CFAP91: variants seen among roughly 807,000 people sequenced by gnomAD.
The protein encoded by CFAP91 is cilia and flagella associated protein 91, also known as cilia- and flagella-associated protein 91.
CFAP91 carries 85 observed loss-of-function variants against 95.9 expected under a neutral mutation model. The ratio of observed to expected loss-of-function variants is 0.89; its 90% CI spans 0.74 to 1.06. The LOEUF is 1.06. Ranked by LOEUF, CFAP91 falls within the 50% of genes least tolerant of loss-of-function variation. The pLI is 0.00. For missense variants in CFAP91, 962 were observed against 943.4 expected (o/e 1.02, Z -0.26); for synonymous variants, 335 against 327.5 (o/e 1.02, Z -0.25).
chr3:119,717,819 G>A (rs548992279), intron 6 of CFAP91, among the ~76,000 whole-genome samples: 2 of 152,272 alleles, frequency 1.3e-5, no homozygotes, highest in East Asian at 3.9e-4. Context: ...GCTTCAGGGT[G>A]AAGAAACAGC....
chr3:119,705,803 C>G (rs2053347687), intron 1 of CFAP91, among the ~76,000 whole-genome samples: 1 of 152,118 alleles, frequency 6.6e-6, no homozygotes, highest in South Asian at 2.1e-4. Context: ...GATAGAGTAG[C>G]CAGTCAATAA....
intron 6 of CFAP91, among the ~76,000 whole-genome samples, chr3:119,724,086 C>T (rs1168083065): frequency 1.3e-5 from 2 of 150,148 alleles, no homozygotes; most frequent in Admixed American, 1.3e-4. Context: ...GAGAATCACT[C>T]GAACCTGGGA....
At chr3:119,718,587 A>T (rs1388184394) in intron 6 of CFAP91, among the ~76,000 whole-genome samples, 3 of 152,260 alleles carry the variant, frequency 2.0e-5, no homozygotes, top group Admixed American at 2.0e-4. Context: ...ATGATTTTTT[A>T]AAAACTCACA....
intron 6 of CFAP91, among the ~76,000 whole-genome samples, chr3:119,724,782 T>C (rs1553707358): frequency 2.0e-5 from 3 of 152,146 alleles, no homozygotes; most frequent in Non-Finnish European, 4.4e-5. Flanking sequence ...TCTCACTCTG[T>C]CACCCAGGCT....
intron 6 of CFAP91, among the ~76,000 whole-genome samples, chr3:119,723,550 A>G (rs1450574440): frequency 6.6e-6 from 1 of 152,238 alleles, no homozygotes; most frequent in African/African-American, 2.4e-5. Flanking sequence ...CAGTACAGCT[A>G]GGCTTCCAAA....
chr3:119,747,308 T>C lies in CFAP91; in HGVS notation c.2051+45T>C. ...ATTGTAGAATGGACAGCCCATTTGC[T>C]GGTACTCATATATATTTTTTCAAGA... is the stretch of plus-strand genomic sequence containing the variant. On this transcript the variant is annotated intron_variant, in intron 15 of 17. Transcript: ENST00000273390. 3 of 1,576,092 alleles carry C rather than the reference T, an allele frequency of 1.9e-6. No homozygotes were observed. In the South Asian group the frequency reaches 3.6e-5, roughly 19 times the overall value.
chr3:119,715,959 G>A (rs753557353), intron 6 of CFAP91: 1 of 596,818 alleles, frequency 1.7e-6, no homozygotes, highest in Non-Finnish European at 3.0e-6. Context: ...CTCTATCTGT[G>A]AAGCTGAATT....
Position 119,717,550 on chromosome 3 carries a change from G to GGTTTTTTTTTTTTTTT in CFAP91, c.682+1807_682+1808insGTTTTTTTTTTTTTTT, listed in dbSNP as rs1553706268. Among the ~76,000 whole-genome samples, 13 of 130,192 alleles carry GGTTTTTTTTTTTTTTT rather than the reference G, an allele frequency of 1.0e-4. 3 individuals are homozygous for GGTTTTTTTTTTTTTTT. Among genetic ancestry groups the GGTTTTTTTTTTTTTTT allele is most frequent in the Non-Finnish European group, 1.3e-4 (8 of 61,440 alleles). The allele number at this position is 130,192 out of a possible 152,430, so 85.4% of individuals were successfully genotyped here. A position where few individuals can be genotyped will look rare whatever the true frequency, so the allele number is the denominator to read the frequency against. The stretch of plus-strand genomic sequence containing the variant: ...AATATCTGTTAAGTAAAATACGTTG[G>GGTTTTTTTTTTTTTTT]TTTTTTTTTTTTTTTTTTTCACAAA... On this transcript the variant is annotated intron_variant, in intron 6 of 17. Transcript: ENST00000273390.
rs148036142 is a variant in CFAP91 at position 119,747,836 on chromosome 3, A to G, written c.2077A>G (p.Ile693Val). The change falls in exon 16 of 18, where the codon ATT becomes GTT. Residue 693 changes from isoleucine to valine, a missense_variant. Coordinates refer to ENST00000273390, the MANE Select transcript of CFAP91 (RefSeq NM_033364.4). ...SRRTYLQSEE[I>V]VAELVYSFLI... ...CCGAACCTATCTTCAGTCAGAGGAG[A>G]TTGTTGCTGAGTTGGTTTATAGTTT... The G allele has an allele frequency of 1.7e-5, 28 of 1,613,316 alleles. No individual in the cohort carries two copies. The highest frequency in any genetic ancestry group is 1.6e-4 in the Middle Eastern group (1 of 6,068).
chr3:119,726,356 C>T lies in CFAP91; in HGVS notation c.860+8C>T. ...AGAGCAGGAGATTGAAAAGTAGGTT[C>T]TCTATCACCCAGACAACTGTTCCTG... On this transcript the variant is annotated splice_region_variant and intron_variant, in intron 7 of 17. Coordinates refer to ENST00000273390, the MANE Select transcript of CFAP91 (RefSeq NM_033364.4). 6.2e-7 allele frequency: 1 copy of T among 1,604,438 alleles called. No individual in the cohort carries two copies. Among genetic ancestry groups the T allele is most frequent in the East Asian group, 2.2e-5 (1 of 44,744 alleles).
At position 119,708,221 on chromosome 3, in the gene CFAP91, C is replaced by T. The variant is rs973272586; in HGVS notation, c.360-370C>T. On this transcript the variant is annotated intron_variant, in intron 3 of 17. Coordinates refer to ENST00000273390, the MANE Select transcript of CFAP91 (RefSeq NM_033364.4). ...GCATGAACCCAGGAGGTGGAGATTGCACCACTGCACTCCAGCCTGGGTGAC... is the reference window on the plus strand; with the variant it reads ...GCATGAACCCAGGAGGTGGAGATTGTACCACTGCACTCCAGCCTGGGTGAC... Among the ~76,000 whole-genome samples, 13 of 147,576 alleles carry T rather than the reference C, an allele frequency of 8.8e-5. No homozygotes were observed. In the Admixed American group the frequency reaches 8.9e-4, roughly 10 times the overall value.
At chr3:119,720,396 C>CAAA (rs34084407) in intron 6 of CFAP91, among the ~76,000 whole-genome samples, 1,966 of 129,764 alleles carry the variant, frequency 0.015, 28 homozygotes, top group Middle Eastern at 0.048. Context: ...GACTCTGTCT[C>CAAA]AAAAAAAAAA....
At chr3:119,754,257 G>A (rs139701738) in intron 17 of CFAP91, among the ~76,000 whole-genome samples, 1 of 152,344 alleles carries the variant, frequency 6.6e-6, no homozygotes, top group Admixed American at 6.5e-5. Context: ...ATGGAAGGAA[G>A]AACTTGCAAG....
At chr3:119,725,216 G>T (rs1002895264) in intron 6 of CFAP91, among the ~76,000 whole-genome samples, 1 of 152,198 alleles carries the variant, frequency 6.6e-6, no homozygotes, top group African/African-American at 2.4e-5. Flanking sequence ...GCACCTAAGT[G>T]TGCTGGCATC....
chr3:119,754,294 A>T (rs1371873332), intron 17 of CFAP91, among the ~76,000 whole-genome samples: 1 of 152,256 alleles, frequency 6.6e-6, no homozygotes, highest in African/African-American at 2.4e-5. Context: ...TTAGCTGAGG[A>T]TATTTCTAAG....
Position 119,737,321 on chromosome 3 carries a change from A to G in CFAP91, c.1345-45A>G, listed in dbSNP as rs753113864. 4 of 1,257,546 alleles carry G rather than the reference A, an allele frequency of 3.2e-6. No individual in the cohort carries two copies. In the South Asian group the frequency reaches 4.0e-5, roughly 13 times the overall value. 77.9% of individuals were successfully genotyped at this position (1,257,546 alleles called of 1,614,324 possible). On this transcript the variant is annotated intron_variant, in intron 10 of 17. Transcript: ENST00000273390. Reference sequence around the variant, plus strand: ...CACTTTTACCTCTTAAATTTATGCAAATTTTTGTTAAAAAAAGAGATTATA... The same window carrying G: ...CACTTTTACCTCTTAAATTTATGCAGATTTTTGTTAAAAAAAGAGATTATA...
intron 13 of CFAP91, among the ~76,000 whole-genome samples, chr3:119,742,845 T>C (rs62264661): frequency 0.14 from 21,431 of 152,100 alleles, 1,822 homozygotes; most frequent in Middle Eastern, 0.23. Flanking sequence ...GAGAACTGAG[T>C]ATTCCCTCCT....
Position 119,751,576 on chromosome 3 carries a change from C to G in CFAP91, c.*1+478C>G, listed in dbSNP as rs561492427. 5.1e-4 allele frequency among the ~76,000 whole-genome samples: 77 copies of G among 152,226 alleles called. 1 individual carries two copies. In the South Asian group the frequency reaches 9.3e-3, roughly 18 times the overall value. On this transcript the variant is annotated intron_variant, in intron 17 of 17. Coordinates refer to ENST00000273390, the MANE Select transcript of CFAP91 (RefSeq NM_033364.4). ...ACTAAAGGCTGTCATACTCATGAGA[C>G]TAATACAGACCATATTTGGCATGAA...
At chr3:119,747,353 A>G in intron 15 of CFAP91, 90 bp downstream of exon 15, 1 of 1,419,658 alleles carries the variant, frequency 7.0e-7, no homozygotes, top group Non-Finnish European at 9.5e-7. Context: ...TTCACCACCA[A>G]GTAGAAACAA....
Sources: gnomAD v4.1 joint callset for allele counts (sites outside exome capture counted in the v4.1 genomes callset) on GRCh38, gnomAD v4.1.1 for gene constraint, MANE v1.5 for transcripts, NCBI Gene and HGNC (gene_info 2026-07-23, HGNC 2026-07-21) for gene names.